ITGA9: variants seen among roughly 807,000 people sequenced by gnomAD.
ITGA9 encodes the protein integrin alpha-9.
In ITGA9, 56 loss-of-function variants were observed where a neutral mutation model predicts 127.8. The observed-to-expected ratio is 0.44, with a 90% CI of 0.35 to 0.55. The LOEUF (loss-of-function observed/expected upper bound fraction) is 0.55, where lower values mean the gene tolerates loss of function less well. ITGA9 is among the 20% of genes least tolerant of loss of function. ITGA9 has a pLI of 0.00. For synonymous variants in ITGA9, 508 were observed against 514.5 expected (o/e 0.99, Z 0.17); for missense variants, 1,196 against 1,347.1 (o/e 0.89, Z 1.76).
intron 2 of ITGA9, 74 bp from the exon 3 acceptor site, chr3:37,473,280 T>C (rs545745555): frequency 1.0e-4 from 117 of 1,136,426 alleles, no homozygotes; most frequent in Non-Finnish European, 1.5e-4. Context: ...CATAGGGCTG[T>C]GGACCACCCT....
At chr3:37,777,315 C>A in intron 23 of ITGA9, 77 bp from the exon 24 acceptor site, 2 of 1,530,566 alleles carry the variant, frequency 1.3e-6, no homozygotes, top group Non-Finnish European at 1.8e-6. Context: ...ACCACTCCTG[C>A]CTCTACAATA....
At chr3:37,652,608 C>T (rs572716447) in intron 16 of ITGA9, among the ~76,000 whole-genome samples, 7 of 152,140 alleles carry the variant, frequency 4.6e-5, no homozygotes, top group Non-Finnish European at 7.4e-5. Flanking sequence ...CGTTTGCTGG[C>T]GCCCACACTG....
At chr3:37,727,970 A>G (rs1696235726) in intron 18 of ITGA9, among the ~76,000 whole-genome samples, 1 of 152,328 alleles carries the variant, frequency 6.6e-6, no homozygotes, top group East Asian at 1.9e-4. Context: ...TGCATCTTTT[A>G]GAGCAAGATT....
chr3:37,548,424 C>G (rs566632176), intron 15 of ITGA9, among the ~76,000 whole-genome samples: 1 of 152,232 alleles, frequency 6.6e-6, no homozygotes, highest in East Asian at 1.9e-4. Flanking sequence ...AGAGTGCACA[C>G]CTAAAATTAG....
chr3:37,662,100 C>T (rs1189853859), intron 17 of ITGA9, among the ~76,000 whole-genome samples: 1 of 152,048 alleles, frequency 6.6e-6, no homozygotes, highest in East Asian at 1.9e-4. Context: ...TGCTTTTAAC[C>T]TAACAAGAAT....
intron 1 of ITGA9, among the ~76,000 whole-genome samples, chr3:37,464,134 T>TGC (rs1553640582): frequency 1.3e-5 from 2 of 151,676 alleles, no homozygotes; most frequent in African/African-American, 2.4e-5. Context: ...TGTGTGTGTG[T>TGC]GTGTGTGTGT....
At position 37,779,979 on chromosome 3, in the gene ITGA9, T is replaced by C. The variant is rs758200779; in HGVS notation, c.2745T>C (p.Thr915=). ...FSALAKEESR[T]IDIYMLLNTE... Reference sequence around the variant, plus strand: ...CTCTTGCTAAAGAAGAAAGTCGTACTATAGACATTTACATGCTGCTGAACA... The same window carrying C: ...CTCTTGCTAAAGAAGAAAGTCGTACCATAGACATTTACATGCTGCTGAACA... The change falls in exon 25 of 28, where the codon ACT becomes ACC. Residue 915 remains threonine, a synonymous_variant. Transcript: ENST00000264741. The C allele has an allele frequency of 6.2e-7, 1 of 1,614,066 alleles. No homozygotes were observed. The highest frequency in any genetic ancestry group is 1.6e-4 in the Middle Eastern group (1 of 6,062).
chr3:37,795,642 A>G (rs560665304), intron 26 of ITGA9, among the ~76,000 whole-genome samples: 1 of 152,194 alleles, frequency 6.6e-6, no homozygotes, highest in East Asian at 1.9e-4. Context: ...TGAGCCCTCC[A>G]GCCAGGGTCC....
chr3:37,709,098 T>C (rs1408864216), intron 18 of ITGA9, among the ~76,000 whole-genome samples: 2 of 152,212 alleles, frequency 1.3e-5, no homozygotes, highest in Admixed American at 6.5e-5. Context: ...TAAGTTTTCT[T>C]ATCTGTGAGA....
At chr3:37,644,723 G>C (rs902703983) in intron 16 of ITGA9, among the ~76,000 whole-genome samples, 1 of 152,148 alleles carries the variant, frequency 6.6e-6, no homozygotes, top group African/African-American at 2.4e-5. Context: ...TTGGTGCCGG[G>C]TTTGTATTTA....
intron 11 of ITGA9, 107 bp from the exon 12 acceptor site, chr3:37,523,414 C>A: frequency 2.3e-6 from 2 of 873,164 alleles, no homozygotes; most frequent in Admixed American, 1.9e-5. Flanking sequence ...TTTCTTTCAA[C>A]AACTTTAAGA....
intron 15 of ITGA9, among the ~76,000 whole-genome samples, chr3:37,549,099 G>A (rs1479513587): frequency 6.6e-6 from 1 of 152,240 alleles, no homozygotes; most frequent in African/African-American, 2.4e-5. Context: ...CTCACTGAGT[G>A]TGGGTTGCCT....
At position 37,743,902 on chromosome 3, in the gene ITGA9, A is replaced by G. The variant is rs760599763; in HGVS notation, c.2325-24A>G. On this transcript the variant is annotated intron_variant, in intron 21 of 27. Coordinates refer to ENST00000264741, the MANE Select transcript of ITGA9 (RefSeq NM_002207.3). ...GTGCTTGACTGTGGGTGGGGATGAC[A>G]GATTTCATGCTTTCCTCTTTCAGAA... 3.9e-6 allele frequency: 6 copies of G among 1,529,290 alleles called. No homozygotes were observed. In the South Asian group the frequency reaches 5.6e-5, roughly 14 times the overall value. The allele number at this position is 1,529,290 out of a possible 1,614,324, so 94.7% of individuals were successfully genotyped here. A position where few individuals can be genotyped will look rare whatever the true frequency, so the allele number is the denominator to read the frequency against.
chr3:37,495,765 C>T (rs527286529), intron 5 of ITGA9, among the ~76,000 whole-genome samples: 30 of 152,338 alleles, frequency 2.0e-4, no homozygotes, highest in Middle Eastern at 3.4e-3. Flanking sequence ...TTAGTGCATT[C>T]ACAGTGTTGT....
chr3:37,686,765 C>A (rs17036791), intron 18 of ITGA9, among the ~76,000 whole-genome samples: 11,113 of 152,054 alleles, frequency 0.073, 1,234 homozygotes, highest in African/African-American at 0.24. Flanking sequence ...CAGCCAGAAA[C>A]GCAGATGGGC....
At chr3:37,612,000 G>T (rs943437476) in intron 15 of ITGA9, among the ~76,000 whole-genome samples, 4 of 151,944 alleles carry the variant, frequency 2.6e-5, no homozygotes, top group Non-Finnish European at 5.9e-5. Context: ...AACCCCAGGG[G>T]CCCTGGGGTG....
intron 4 of ITGA9, among the ~76,000 whole-genome samples, chr3:37,492,559 G>A (rs1381276427): frequency 1.3e-5 from 2 of 152,218 alleles, no homozygotes; most frequent in Admixed American, 1.3e-4. Context: ...AGGAGGCACT[G>A]AAGTTCTCAA....
At chr3:37,499,056 AC>A (rs1698761985) in intron 5 of ITGA9, among the ~76,000 whole-genome samples, 2 of 152,224 alleles carry the variant, frequency 1.3e-5, no homozygotes, top group African/African-American at 4.8e-5. Context: ...TGCTTGACCT[AC>A]AGGTCAGTGA....
chr3:37,728,843 T>TG, intron 18 of ITGA9, among the ~76,000 whole-genome samples: 1 of 151,234 alleles, frequency 6.6e-6, no homozygotes, highest in Non-Finnish European at 1.5e-5. Flanking sequence ...GGGGATTTAT[T>TG]GGGGCAAGAG....
Sources: allele counts gnomAD v4.1 joint callset (sites outside exome capture counted in the v4.1 genomes callset), GRCh38; gene constraint gnomAD v4.1.1; transcripts MANE v1.5; gene names NCBI Gene and HGNC (gene_info 2026-07-23, HGNC 2026-07-21).